TFAP2A: variants seen among roughly 807,000 people sequenced by gnomAD.
TFAP2A encodes transcription factor AP-2-alpha.
TFAP2A carries 7 observed loss-of-function variants against 41.5 expected under a neutral mutation model. The ratio of observed to expected loss-of-function variants is 0.17; its 90% CI spans 0.10 to 0.32. The LOEUF (loss-of-function observed/expected upper bound fraction) is 0.32. Ranked by LOEUF, TFAP2A falls within the 10% of genes least tolerant of loss-of-function variation. The pLI is 1.00. For synonymous variants in TFAP2A, 247 were observed against 242.8 expected (o/e 1.02, Z -0.16); for missense variants, 416 against 563.3 (o/e 0.74, Z 2.65).
chr6:10,400,941 C>T, intron 5 of TFAP2A: 1 of 442,816 alleles, frequency 2.3e-6, no homozygotes, highest in South Asian at 1.9e-5. Context: ...AAATGATATT[C>T]ATAATTACTC....
Position 10,409,966 on chromosome 6 carries a change from C to A in TFAP2A, c.421G>T (p.Ala141Ser). 1 of 1,580,346 alleles carries A rather than the reference C, an allele frequency of 6.3e-7. No homozygotes were observed. Among genetic ancestry groups the A allele is most frequent in the South Asian group, 1.1e-5 (1 of 87,600 alleles). ...AGGTCTCCGAGTCCTGAGCTGAGCG[C>A]GTGTGGGCCGTGCAGGAGGTCCTCG... ...RHEDLLHGPH[A>S]LSSGLGDLSI... The change falls in exon 2 of 7, where the codon GCG (alanine) becomes TCG (serine). Residue 141 changes from alanine (A) to serine (S), a missense_variant. By Grantham distance (99) the Ala-to-Ser change is moderately conservative. Coordinates refer to ENST00000379613, the MANE Select transcript of TFAP2A (RefSeq NM_001372066.1).
intron 4 of TFAP2A, among the ~76,000 whole-genome samples, chr6:10,402,862 C>T (rs913726638): frequency 6.6e-6 from 1 of 152,178 alleles, no homozygotes; most frequent in Admixed American, 6.5e-5. Context: ...GTTTTGATTT[C>T]CCAACTCTCT....
At chr6:10,403,493 T>A (rs776897416) in intron 4 of TFAP2A, among the ~76,000 whole-genome samples, 22 of 152,202 alleles carry the variant, frequency 1.4e-4, no homozygotes, top group African/African-American at 2.2e-4. Flanking sequence ...TTCCAAAAAA[T>A]GATCTTTATA....
At chr6:10,410,437 G>C in intron 1 of TFAP2A, 102 bp from the exon 2 acceptor site, 1 of 1,246,388 alleles carries the variant, frequency 8.0e-7, no homozygotes. Context: ...GAAATCGCCC[G>C]TTCCCGTTGG....
chr6:10,418,427 T>G (rs1317977066), upstream of TFAP2A: 2 of 152,194 alleles, frequency 1.3e-5, no homozygotes, highest in Non-Finnish European at 2.9e-5. Context: ...CCCCTGGGCT[T>G]TTGGGCACAC....
At chr6:10,405,117 A>C in intron 3 of TFAP2A, 1 of 240,856 alleles carries the variant, frequency 4.2e-6, no homozygotes, top group Middle Eastern at 1.3e-3. Context: ...TTCAGGGTGC[A>C]GGGGAGGGAA....
upstream of TFAP2A, chr6:10,419,309 G>C: frequency 1.5e-6 from 2 of 1,344,254 alleles, no homozygotes; most frequent in South Asian, 1.2e-5. Flanking sequence ...CCTCACCTAC[G>C]ACTCCCCTGC....
upstream of TFAP2A, among the ~76,000 whole-genome samples, chr6:10,417,590 G>A (rs966537544): frequency 6.6e-6 from 1 of 152,182 alleles, no homozygotes; most frequent in African/African-American, 2.4e-5. Flanking sequence ...TGACGTGGGG[G>A]GCATAAAAAG....
Position 10,410,160 on chromosome 6 carries a change from G to A in TFAP2A, c.227C>T (p.Ser76Phe). ...PIYPQSQDPY[S>F]HVNDPYSLNP... ...CAGGCTGTAGGGGTCGTTGACGTGG[G>A]AGTAAGGATCTTGCGACTGGGGGTA... is the stretch of plus-strand genomic sequence containing the variant. Residue 76 changes from serine (S) to phenylalanine (F), a missense_variant, in exon 2 of 7, where the codon TCC (serine) becomes TTC (phenylalanine). Physicochemically the swap from Ser to Phe is radical, Grantham distance 155. This residue lies in a region of TFAP2A where 241 missense variants were observed against 274.1 expected (regional missense o/e 0.88). Transcript: ENST00000379613. 1 of 1,583,660 alleles carries A rather than the reference G, an allele frequency of 6.3e-7. No individual in the cohort carries two copies.
At chr6:10,417,527 GA>G (rs993648302), upstream of TFAP2A, among the ~76,000 whole-genome samples, 2 of 152,246 alleles carry the variant, frequency 1.3e-5, no homozygotes, top group Non-Finnish European at 2.9e-5. Context: ...GGCGGGGCCA[GA>G]ACCCCGGGAC....
At position 10,410,306 on chromosome 6, in the gene TFAP2A, C is replaced by A; in HGVS notation, c.81G>T (p.Thr27=). 1 of 1,612,490 alleles carries A rather than the reference C, an allele frequency of 6.2e-7. No homozygotes were observed. Among genetic ancestry groups the A allele is most frequent in the Non-Finnish European group, 8.5e-7 (1 of 1,179,652 alleles). Residue 27 remains threonine (T), a synonymous_variant, in exon 2 of 7, where the codon ACG becomes ACT. Transcript: ENST00000379613. ...EDRHDGTSNG[T]ARLPQLGTVG... is the part of the protein sequence containing the mutation. ...CAGTGCCCAGCTGGGGCAACCGTGC[C>A]GTCCCGTTGCTGGTGCCGTCGTGAC...
chr6:10,413,872 A>T (rs992345765), intron 1 of TFAP2A, among the ~76,000 whole-genome samples: 1 of 151,964 alleles, frequency 6.6e-6, no homozygotes, highest in South Asian at 2.1e-4. Flanking sequence ...AAAAGAAAAA[A>T]AAAAAAAACA....
chr6:10,414,867 G>A (rs960855448), intron 1 of TFAP2A, 74 bp downstream of exon 1: 2 of 1,595,208 alleles, frequency 1.3e-6, no homozygotes, highest in Non-Finnish European at 1.7e-6. Flanking sequence ...TGGTTGCAAG[G>A]AGAGGAGGAG....
In TFAP2A at chr6:10,398,543, C is replaced by T. The variant is rs2230116; in HGVS notation, c.1194G>A (p.Thr398=). Residue 398 remains threonine (T), a synonymous_variant, in exon 7 of 7, where the codon ACG becomes ACA. Transcript: ENST00000379613. The surrounding 1 kb of genome is among the most constrained non-coding windows in gnomAD (Gnocchi z 5.3). ...CCTCGGTGAGATAGTTCTGCAGGGC[C>T]GTGACCGCGGCACACACCGCGGGGC... ...FGSPAVCAAV[T]ALQNYLTEAL... The T allele has an allele frequency of 6.2e-7, 1 of 1,614,066 alleles. No homozygotes were observed. Among genetic ancestry groups the T allele is most frequent in the Non-Finnish European group, 8.5e-7 (1 of 1,180,034 alleles).
intron 2 of TFAP2A, among the ~76,000 whole-genome samples, chr6:10,408,240 A>AT (rs948190972): frequency 4.6e-5 from 7 of 152,180 alleles, no homozygotes; most frequent in Non-Finnish European, 8.8e-5. Flanking sequence ...CTTTGAAAGA[A>AT]TTTTTTTCTT....
upstream of TFAP2A, chr6:10,415,175 CGAG>C (rs932823331): frequency 2.5e-3 from 3,405 of 1,379,932 alleles, no homozygotes; most frequent in East Asian, 5.3e-3. Context: ...AAGAGGAGGG[CGAG>C]GAGGAGGAGG....
chr6:10,397,977 TCA>T lies in TFAP2A; in HGVS notation c.*438_*439del, dbSNP rs1761840708. 1 of 1,035,974 alleles carries T rather than the reference TCA, an allele frequency of 9.7e-7. No homozygotes were observed. The highest frequency in any genetic ancestry group is 1.7e-5 in the African/African-American group (1 of 57,720). 64.2% of individuals were successfully genotyped at this position (1,035,974 alleles called of 1,614,324 possible). On this transcript the variant is annotated 3_prime_UTR_variant, in exon 7 of 7. Coordinates refer to ENST00000379613, the MANE Select transcript of TFAP2A (RefSeq NM_001372066.1). ...GAAGTATGTAAGGGAAGGTGGTGAC[TCA>T]GTCCCATGAAGCGCATATAATTTTT...
At chr6:10,416,578 T>C (rs1758253026), upstream of TFAP2A, 1 of 152,202 alleles carries the variant, frequency 6.6e-6, no homozygotes, top group South Asian at 2.1e-4. Flanking sequence ...CTACACTAGG[T>C]CCCGCCTCAG....
At chr6:10,403,952 A>G (rs964608860) in intron 4 of TFAP2A, among the ~76,000 whole-genome samples, 3 of 152,182 alleles carry the variant, frequency 2.0e-5, no homozygotes, top group African/African-American at 7.2e-5. Flanking sequence ...TGGAGATGAC[A>G]GCGACCGGAA....
Sources: allele counts gnomAD v4.1 joint callset (sites outside exome capture counted in the v4.1 genomes callset), GRCh38; gene constraint gnomAD v4.1.1; regional missense constraint gnomAD v4.1.1; non-coding constraint Gnocchi (gnomAD v3.1); transcripts MANE v1.5; gene names NCBI Gene and HGNC (gene_info 2026-07-23, HGNC 2026-07-21).